DACH2: variants seen among roughly 807,000 people sequenced by gnomAD.
DACH2 encodes the protein dachshund family transcription factor 2.
Under a neutral mutation model 35.8 loss-of-function variants are expected in DACH2, and 17 were observed. The ratio of observed to expected loss-of-function variants is 0.48; its 90% CI spans 0.33 to 0.71. DACH2 has a LOEUF of 0.71. DACH2 is among the 30% of genes least tolerant of loss of function. The pLI, the probability that DACH2 is intolerant of heterozygous loss-of-function variation, is 0.02. For missense variants in DACH2, 469 were observed against 472.7 expected, an observed-to-expected ratio of 0.99 and a Z score of 0.07; for synonymous variants, 195 against 177.3, an observed-to-expected ratio of 1.10 and a Z score of -0.79.
intron 2 of DACH2, among the ~76,000 whole-genome samples, chrX:86,460,161 G>A (rs1383719917): frequency 9.0e-6 from 1 of 110,697 alleles, no homozygotes; most frequent in Non-Finnish European, 1.9e-5. Flanking sequence ...AAGCTTAAGA[G>A]AAACATAATT....
At chrX:86,753,949 A>C (rs1034135399) in intron 7 of DACH2, among the ~76,000 whole-genome samples, 2 of 109,977 alleles carry the variant, frequency 1.8e-5, no homozygotes, top group South Asian at 3.8e-4. Context: ...AAAAAAAAAA[A>C]AACAAATGTT....
intron 3 of DACH2, among the ~76,000 whole-genome samples, chrX:86,536,754 G>C (rs755901688): frequency 1.1e-4 from 12 of 111,733 alleles, no homozygotes; most frequent in Non-Finnish European, 2.3e-4. Context: ...TGTAACATCT[G>C]TCTCCTCAAA....
At chrX:86,174,119 G>GC (rs2031222274) in intron 1 of DACH2, among the ~76,000 whole-genome samples, 1 of 71,764 alleles carries the variant, frequency 1.4e-5, no homozygotes, top group Non-Finnish European at 2.6e-5. Flanking sequence ...GAGTACAGTT[G>GC]TTTTTTTTTT....
chrX:86,400,818 C>T (rs760791675), intron 2 of DACH2, among the ~76,000 whole-genome samples: 5 of 112,201 alleles, frequency 4.5e-5, no homozygotes, highest in Non-Finnish European at 9.4e-5. Flanking sequence ...TTAGGCTACT[C>T]GGGGGTCAGG....
intron 2 of DACH2, among the ~76,000 whole-genome samples, chrX:86,379,206 T>C (rs1189823299): frequency 9.0e-6 from 1 of 111,422 alleles, no homozygotes; most frequent in Non-Finnish European, 1.9e-5. Flanking sequence ...TTTTTACAAA[T>C]GGTTAAAATA....
At chrX:86,392,435 C>T (rs2036219113) in intron 2 of DACH2, among the ~76,000 whole-genome samples, 1 of 111,619 alleles carries the variant, frequency 9.0e-6, no homozygotes, top group South Asian at 3.7e-4. Flanking sequence ...AGACTACAGA[C>T]ATAAGAATTA....
At chrX:86,445,961 T>C (rs935693870) in intron 2 of DACH2, among the ~76,000 whole-genome samples, 1 of 111,816 alleles carries the variant, frequency 8.9e-6, no homozygotes, top group Non-Finnish European at 1.9e-5. Flanking sequence ...TGATGTCCCC[T>C]ACTAGTATTG....
intron 2 of DACH2, among the ~76,000 whole-genome samples, chrX:86,399,291 A>G (rs1258033340): frequency 4.3e-4 from 48 of 110,860 alleles, no homozygotes; most frequent in Non-Finnish European, 8.1e-4. Context: ...ACATGAGATG[A>G]GTTTCCTGAA....
At chrX:86,576,531 C>T (rs991180880) in intron 3 of DACH2, among the ~76,000 whole-genome samples, 1 of 111,114 alleles carries the variant, frequency 9.0e-6, no homozygotes, top group Non-Finnish European at 1.9e-5. Flanking sequence ...CCAGTCTAGC[C>T]ATTCTGTTTC....
At chrX:86,709,959 AG>A (rs2041259883) in intron 5 of DACH2, among the ~76,000 whole-genome samples, 2 of 112,019 alleles carry the variant, frequency 1.8e-5, no homozygotes, top group African/African-American at 6.5e-5. Context: ...AAAATACTAT[AG>A]TGACTTTGGA....
rs139870947 is a variant in DACH2 at position 86,632,456 on chromosome X, C to A, written c.641-18580C>A. ...CAACATTCTAAGCCTCAAGTTGGACCTAATATACATGCCAACAATTATAAC... is the reference window on the plus strand; with the variant it reads ...CAACATTCTAAGCCTCAAGTTGGACATAATATACATGCCAACAATTATAAC... On this transcript the variant is annotated intron_variant, in intron 3 of 11. Coordinates refer to ENST00000373125, the MANE Select transcript of DACH2 (RefSeq NM_053281.3). 8.2e-3 allele frequency among the ~76,000 whole-genome samples: 877 copies of A among 107,113 alleles called. 10 individuals carry two copies. The highest frequency in any genetic ancestry group is 0.027 in the African/African-American group (807 of 29,443). The allele number at this position is 107,113 out of a possible 115,157, so 93.0% of individuals were successfully genotyped here.
At chrX:86,820,337 A>G (rs1190779569) in intron 11 of DACH2, among the ~76,000 whole-genome samples, 1 of 112,185 alleles carries the variant, frequency 8.9e-6, no homozygotes, top group African/African-American at 3.2e-5. Flanking sequence ...TATTTTTTCC[A>G]TAAATGTGGT....
At chrX:86,365,526 G>C (rs1321007094) in intron 1 of DACH2, among the ~76,000 whole-genome samples, 2 of 111,426 alleles carry the variant, frequency 1.8e-5, no homozygotes, top group African/African-American at 6.5e-5. Context: ...TTCAAACTTT[G>C]TTCATGAGGA....
chrX:86,635,240 T>C (rs1464975255), intron 3 of DACH2, among the ~76,000 whole-genome samples: 1 of 107,761 alleles, frequency 9.3e-6, no homozygotes, highest in Non-Finnish European at 1.9e-5. Context: ...ATGTGACTCA[T>C]CATATAAACA....
chrX:86,514,353 TC>T lies in DACH2; in HGVS notation c.605del (p.Pro202GlnfsTer14). On this transcript the variant is annotated frameshift_variant, in exon 3 of 12. Coordinates refer to ENST00000373125, the MANE Select transcript of DACH2 (RefSeq NM_053281.3). LOFTEE classifies it high-confidence loss of function. The part of the protein sequence containing the change: ...QENARLLTHA[V>X]PGLLSPGLIT... ...AATGCCCGCCTTCTGACCCATGCAG[TC>T]CCAGGCCTCTTATCGCCAGGACTTA... 1 of 1,210,930 alleles carries T rather than the reference TC, an allele frequency of 8.3e-7. No homozygotes were observed. Among genetic ancestry groups the T allele is most frequent in the Non-Finnish European group, 1.1e-6 (1 of 895,254 alleles).
At chrX:86,820,329 T>C (rs776421949) in intron 11 of DACH2, among the ~76,000 whole-genome samples, 14 of 112,181 alleles carry the variant, frequency 1.2e-4, no homozygotes, top group Non-Finnish European at 2.6e-4. Context: ...TCCTCTGATA[T>C]TTTTTCCATA....
At chrX:86,571,594 T>C (rs1453822694) in intron 3 of DACH2, among the ~76,000 whole-genome samples, 2 of 110,411 alleles carry the variant, frequency 1.8e-5, no homozygotes, top group Non-Finnish European at 3.8e-5. Context: ...TAGGTGGGAA[T>C]TGAGCAATGA....
chrX:86,328,433 T>C (rs1037518296), intron 1 of DACH2, among the ~76,000 whole-genome samples: 13 of 111,821 alleles, frequency 1.2e-4, no homozygotes, highest in African/African-American at 4.2e-4. Flanking sequence ...GTACTCAAAA[T>C]TGATTTTTCA....
chrX:86,592,530 G>A (rs752116224), intron 3 of DACH2, among the ~76,000 whole-genome samples: 15 of 111,634 alleles, frequency 1.3e-4, no homozygotes, highest in East Asian at 2.8e-4. Context: ...TCATATAAAC[G>A]TTAGAATGAG....
Sources: gnomAD v4.1 joint callset for allele counts (sites outside exome capture counted in the v4.1 genomes callset) on GRCh38, gnomAD v4.1.1 for gene constraint, MANE v1.5 for transcripts, NCBI Gene and HGNC (gene_info 2026-07-23, HGNC 2026-07-21) for gene names.